NDUFB2: variants seen among roughly 807,000 people sequenced by gnomAD.
NDUFB2 encodes NADH:ubiquinone oxidoreductase subunit B2, also known as NADH dehydrogenase [ubiquinone] 1 beta subcomplex subunit 2, mitochondrial.
A neutral mutation model predicts 13.4 loss-of-function variants in NDUFB2; 13 were observed. That is an observed-to-expected ratio of 0.97 (90% CI 0.63 to 1.54). The LOEUF is 1.54. Ranked by LOEUF, NDUFB2 falls within the 40% of genes most tolerant of loss-of-function variation. The pLI, the probability that NDUFB2 is intolerant of heterozygous loss-of-function variation, is 0.00. For synonymous variants in NDUFB2, 47 were observed against 50.6 expected, an observed-to-expected ratio of 0.93 and a Z score of 0.30; for missense variants, 150 against 139.7, an observed-to-expected ratio of 1.07 and a Z score of -0.37.
chr7:140,698,377 T>G, intron 1 of NDUFB2: 1 of 1,248,784 alleles, frequency 8.0e-7, no homozygotes, highest in Non-Finnish European at 1.1e-6. Context: ...GTGCTGAGGA[T>G]ATAGCAGAAT....
rs749910391 is a variant in NDUFB2 at position 140,698,169 on chromosome 7, C to CAAAG, written c.98+1328_98+1331dup. The CAAAG allele has an allele frequency of 1.3e-5, 17 of 1,351,942 alleles. No individual in the cohort carries two copies. In the East Asian group the frequency reaches 7.3e-4, roughly 58 times the overall value. 83.7% of individuals were successfully genotyped at this position (1,351,942 alleles called of 1,614,324 possible). A position where few individuals can be genotyped will look rare whatever the true frequency, so the allele number is the denominator to read the frequency against. On this transcript the variant is annotated intron_variant, in intron 1 of 3. Transcript: ENST00000247866. ...GGGCAGGTGTGGGGTGGGCAGAAGG[C>CAAAG]AAAGCCCTGTGTGACTTGGGCAAAG... is the stretch of plus-strand genomic sequence containing the variant.
At chr7:140,697,187 T>TG in intron 1 of NDUFB2, 1 of 610,518 alleles carries the variant, frequency 1.6e-6, no homozygotes, top group Non-Finnish European at 2.9e-6. Flanking sequence ...GCGGCGGGTG[T>TG]GGACGCTCCT....
intron 1 of NDUFB2, chr7:140,701,106 A>G (rs975836861): frequency 1.3e-5 from 2 of 152,176 alleles, no homozygotes; most frequent in Non-Finnish European, 1.5e-5. Flanking sequence ...ACTATTTAGA[A>G]AAAAAAATGG....
intron 1 of NDUFB2, among the ~76,000 whole-genome samples, chr7:140,698,827 A>C (rs1395878853): frequency 1.3e-5 from 2 of 152,202 alleles, no homozygotes; most frequent in Non-Finnish European, 2.9e-5. Flanking sequence ...TTGGAGTTTT[A>C]AAGCAGGAAA....
At chr7:140,697,208 G>C in intron 1 of NDUFB2, 3 of 647,842 alleles carry the variant, frequency 4.6e-6, no homozygotes, top group South Asian at 1.7e-5. Context: ...GGAGCGAGGC[G>C]GGGGGCGGCG....
At chr7:140,697,739 G>C (rs934165621) in intron 1 of NDUFB2, among the ~76,000 whole-genome samples, 1 of 152,170 alleles carries the variant, frequency 6.6e-6, no homozygotes, top group Non-Finnish European at 1.5e-5. Flanking sequence ...CCAGCTGTGG[G>C]ACCTTGGAAA....
chr7:140,699,304 T>C (rs1218835665), intron 1 of NDUFB2, among the ~76,000 whole-genome samples: 2 of 152,258 alleles, frequency 1.3e-5, no homozygotes, highest in Admixed American at 6.5e-5. Context: ...CAGGACTTGC[T>C]GATAGTGTCT....
At chr7:140,698,350 T>C in intron 1 of NDUFB2, 1 of 1,330,788 alleles carries the variant, frequency 7.5e-7, no homozygotes, top group South Asian at 1.2e-5. Flanking sequence ...ATCTTCTATA[T>C]GGCTGCTCCT....
chr7:140,702,713 GTGAGTAT>G (rs1297266946), intron 1 of NDUFB2, 146 bp from the exon 2 acceptor site: 1 of 878,612 alleles, frequency 1.1e-6, no homozygotes, highest in Non-Finnish European at 1.7e-6. Flanking sequence ...TTAGTAAAAA[GTGAGTAT>G]TTCAAGGGAT....
At chr7:140,697,043 G>T (rs917865481) in intron 1 of NDUFB2, 1 of 605,596 alleles carries the variant, frequency 1.7e-6, no homozygotes, top group Non-Finnish European at 2.9e-6. Flanking sequence ...ACTTCGCTGG[G>T]CAGATGGGAC....
At chr7:140,701,901 A>T (rs1794903566) in intron 1 of NDUFB2, 2 of 544,596 alleles carry the variant, frequency 3.7e-6, no homozygotes, top group East Asian at 6.4e-5. Flanking sequence ...GTTCCATTGC[A>T]CTCCAGCCTG....
In NDUFB2 at chr7:140,702,870, G is replaced by A. The variant is rs770175668; in HGVS notation, c.103G>A (p.Gly35Ser). ...TAGDGGVRHA[G>S]GGVHIEPRYR... ...CCATGTTGTTTTGTCTTGCAGTGCC[G>A]GTGGTGGTGTGCACATTGAGCCCCG... The change falls in exon 2 of 4, where the codon GGT becomes AGT. Residue 35 changes from glycine to serine, a missense_variant. Coordinates refer to ENST00000247866, the MANE Select transcript of NDUFB2 (RefSeq NM_004546.3). The A allele has an allele frequency of 2.4e-5, 38 of 1,613,984 alleles. No individual in the cohort carries two copies. The highest frequency in any genetic ancestry group is 8.9e-5 in the East Asian group (4 of 44,868).
chr7:140,698,343 T>G (rs1365135286), intron 1 of NDUFB2: 17 of 1,341,690 alleles, frequency 1.3e-5, no homozygotes, highest in East Asian at 4.6e-5. Context: ...ATGGAGCATC[T>G]TCTATATGGC....
In NDUFB2 at chr7:140,702,942, G is replaced by T; in HGVS notation, c.175G>T (p.Glu59Ter). The change falls in exon 2 of 4, where the codon GAG (glutamate) becomes TAG (stop). Residue 59 changes from glutamate to a stop codon, truncating the protein, a stop_gained. Transcript: ENST00000247866. LOFTEE classifies it high-confidence loss of function. Reference protein sequence around the residue: ...QLTRSQVFQSEFFSGLMWFWI... With the variant: ...QLTRSQVFQS ...GACCAGATCCCAGGTGTTCCAGAGC[G>T]AGTTCTTCAGCGGACTCATGTGGTT... 1.9e-6 allele frequency: 3 copies of T among 1,614,062 alleles called. No individual in the cohort carries two copies. The highest frequency in any genetic ancestry group is 2.5e-6 in the Non-Finnish European group (3 of 1,180,018).
chr7:140,702,870 G>C lies in NDUFB2; in HGVS notation c.103G>C (p.Gly35Arg). The C allele has an allele frequency of 6.2e-7, 1 of 1,613,984 alleles. No individual in the cohort carries two copies. Among genetic ancestry groups the C allele is most frequent in the South Asian group, 1.1e-5 (1 of 91,054 alleles). Residue 35 changes from glycine (G) to arginine (R), a missense_variant, in exon 2 of 4, where the codon GGT (glycine) becomes CGT (arginine). Coordinates refer to ENST00000247866, the MANE Select transcript of NDUFB2 (RefSeq NM_004546.3). ...TAGDGGVRHA[G>R]GGVHIEPRYR... ...CCATGTTGTTTTGTCTTGCAGTGCCGGTGGTGGTGTGCACATTGAGCCCCG... is the reference window on the plus strand; with the variant it reads ...CCATGTTGTTTTGTCTTGCAGTGCCCGTGGTGGTGTGCACATTGAGCCCCG...
At chr7:140,698,124 G>A (rs748896382) in intron 1 of NDUFB2, 41 of 1,351,632 alleles carry the variant, frequency 3.0e-5, no homozygotes, top group Non-Finnish European at 3.7e-5. Context: ...AGTCCCACAT[G>A]GATGAAGAAT....
At chr7:140,702,005 C>G in intron 1 of NDUFB2, 1 of 700,516 alleles carries the variant, frequency 1.4e-6, no homozygotes. Flanking sequence ...TTACTGTTCA[C>G]GAATCTGTGC....
chr7:140,705,050 A>C (rs59579457), intron 3 of NDUFB2, 87 bp downstream of exon 3: 2 of 646,016 alleles, frequency 3.1e-6, no homozygotes, highest in Admixed American at 7.2e-5. Flanking sequence ...GGACTTGAAA[A>C]AACTGCATAT....
chr7:140,703,790 C>CTA (rs1009486261), intron 2 of NDUFB2, among the ~76,000 whole-genome samples: 8 of 152,140 alleles, frequency 5.3e-5, no homozygotes, highest in Non-Finnish European at 4.4e-5. Flanking sequence ...GAGTCTCACT[C>CTA]TGTCACCCAG....
Sources: allele counts gnomAD v4.1 joint callset (sites outside exome capture counted in the v4.1 genomes callset), GRCh38; gene constraint gnomAD v4.1.1; transcripts MANE v1.5; gene names NCBI Gene and HGNC (gene_info 2026-07-23, HGNC 2026-07-21).